Variants in KLF12 observed in about 807,000 individuals in gnomAD.
KLF12 encodes the protein Krueppel-like factor 12.
KLF12 carries 9 observed loss-of-function variants against 37.8 expected under a neutral mutation model. The observed-to-expected ratio is 0.24, with a 90% CI of 0.14 to 0.42. The LOEUF (loss-of-function observed/expected upper bound fraction) is 0.42, where lower values mean the gene tolerates loss of function less well. Among genes scored for constraint, KLF12 ranks in the 10% least tolerant of loss-of-function variants. The pLI is 1.00. For synonymous variants in KLF12, 208 were observed against 202.1 expected (o/e 1.03, Z -0.25); for missense variants, 411 against 516.0 (o/e 0.80, Z 1.97).
chr13:74,264,123 C>G, the KLF12 span, among the ~76,000 whole-genome samples: 1 of 152,162 alleles, frequency 6.6e-6, no homozygotes, highest in South Asian at 2.1e-4. Context: ...AAACGGTTAA[C>G]TTTCCATTAC....
chr13:73,944,958 A>G (rs907433134), intron 2 of KLF12, among the ~76,000 whole-genome samples: 1 of 152,174 alleles, frequency 6.6e-6, no homozygotes, highest in African/African-American at 2.4e-5. Context: ...TGACTCAACT[A>G]CAAATCTGAC....
chr13:74,099,059 C>T (rs972076090), intron 1 of KLF12, among the ~76,000 whole-genome samples: 5 of 152,114 alleles, frequency 3.3e-5, no homozygotes, highest in African/African-American at 1.2e-4. Context: ...TTAGAAAAAT[C>T]ACTTTGGACC....
At chr13:74,122,090 T>C (rs1877663271) in intron 1 of KLF12, among the ~76,000 whole-genome samples, 2 of 152,084 alleles carry the variant, frequency 1.3e-5, no homozygotes, top group Admixed American at 1.3e-4. Flanking sequence ...AGAGAAGGAA[T>C]TGCTTATATA....
At chr13:73,712,270 G>A (rs7986714) in intron 7 of KLF12, among the ~76,000 whole-genome samples, 1,623 of 150,914 alleles carry the variant, frequency 0.011, 24 homozygotes, top group African/African-American at 0.038. Context: ...ACTGGGAGGC[G>A]GAGGCTGAGG....
chr13:73,995,057 CAAGAAAAACACAAAGA>C lies in KLF12; in HGVS notation c.-31-20_-31-5del. ...TGTTCTTAGAGTCACATTGATCCTGCAAGAAAAACACAAAGACAAATGATGAGAGAAAGTTCTACAA... is the reference window on the plus strand; with the variant it reads ...TGTTCTTAGAGTCACATTGATCCTGCCAAATGATGAGAGAAAGTTCTACAA... On this transcript the variant is annotated splice_region_variant and splice_polypyrimidine_tract_variant and intron_variant, in intron 1 of 7. Coordinates refer to ENST00000377669, the MANE Select transcript of KLF12 (RefSeq NM_007249.5). The C allele has an allele frequency of 1.3e-6, 2 of 1,586,820 alleles. No homozygotes were observed. Among genetic ancestry groups the C allele is most frequent in the Middle Eastern group, 1.7e-4 (1 of 5,992 alleles).
chr13:74,067,692 ATAGTTT>A (rs61639057), intron 1 of KLF12, among the ~76,000 whole-genome samples: 57,970 of 151,526 alleles, frequency 0.38, 11,860 homozygotes, highest in African/African-American at 0.52. Flanking sequence ...CAACCAAAGA[ATAGTTT>A]TAGTTTTAAA....
chr13:74,166,425 A>G, the KLF12 span, among the ~76,000 whole-genome samples: 1 of 152,126 alleles, frequency 6.6e-6, no homozygotes, highest in Non-Finnish European at 1.5e-5. Flanking sequence ...AAGACACCCT[A>G]AAAGATAACA....
At chr13:73,969,505 T>C (rs1891267776) in intron 2 of KLF12, among the ~76,000 whole-genome samples, 1 of 152,238 alleles carries the variant, frequency 6.6e-6, no homozygotes, top group South Asian at 2.1e-4. Context: ...TTGGAAAGGA[T>C]AAACTCCTTC....
At chr13:74,127,937 T>G (rs552281415) in intron 1 of KLF12, among the ~76,000 whole-genome samples, 39 of 152,342 alleles carry the variant, frequency 2.6e-4, no homozygotes, top group African/African-American at 9.4e-4. Context: ...ATCACAAATT[T>G]AATAATTCTA....
chr13:74,071,500 C>A (rs1167245074), intron 1 of KLF12, among the ~76,000 whole-genome samples: 3 of 148,414 alleles, frequency 2.0e-5, no homozygotes, highest in African/African-American at 7.4e-5. Flanking sequence ...TCCTGGCTAA[C>A]ACAGTGAAAC....
chr13:73,795,427 T>C (rs761822521), intron 5 of KLF12, among the ~76,000 whole-genome samples: 15 of 152,352 alleles, frequency 9.8e-5, no homozygotes, highest in Middle Eastern at 3.4e-3. Flanking sequence ...ATCTTACATA[T>C]GGCAAATGTT....
At chr13:74,042,449 C>T (rs139407695) in intron 1 of KLF12, among the ~76,000 whole-genome samples, 2 of 152,242 alleles carry the variant, frequency 1.3e-5, no homozygotes, top group East Asian at 1.9e-4. Context: ...TGCCAGGTAA[C>T]ACTCCATGTT....
the KLF12 span, among the ~76,000 whole-genome samples, chr13:74,280,825 CTTTTTTT>C: frequency 3.8e-3 from 421 of 110,574 alleles, 3 homozygotes; most frequent in African/African-American, 0.012. Context: ...TTTCTTTTTT[CTTTTTTT>C]TTTTTTTTTG....
the KLF12 span, among the ~76,000 whole-genome samples, chr13:74,268,616 G>T: frequency 1.3e-5 from 2 of 152,110 alleles, no homozygotes; most frequent in African/African-American, 4.8e-5. Context: ...TATGAGATTG[G>T]AACTCCTGTT....
intron 1 of KLF12, among the ~76,000 whole-genome samples, chr13:74,084,823 C>CAAAAA (rs11299513): frequency 2.0e-5 from 3 of 149,096 alleles, no homozygotes; most frequent in Non-Finnish European, 3.0e-5. Flanking sequence ...ACAAAGGAGC[C>CAAAAA]AAAAAAAAAA....
intron 3 of KLF12, among the ~76,000 whole-genome samples, chr13:73,871,808 T>C (rs1305358763): frequency 2.0e-5 from 3 of 152,164 alleles, no homozygotes; most frequent in Non-Finnish European, 4.4e-5. Context: ...ATTTTATCCA[T>C]CCAAATTTTT....
At chr13:74,135,534 C>G (rs1878519133), upstream of KLF12, among the ~76,000 whole-genome samples, 1 of 150,942 alleles carries the variant, frequency 6.6e-6, no homozygotes, top group Admixed American at 6.6e-5. Context: ...TCGGAGGGCG[C>G]GGGGTCAGCG....
At chr13:74,019,230 T>A (rs937792079) in intron 1 of KLF12, among the ~76,000 whole-genome samples, 10 of 152,190 alleles carry the variant, frequency 6.6e-5, no homozygotes, top group African/African-American at 2.4e-4. Flanking sequence ...TTAGGATTGG[T>A]CTTGTCTACT....
At chr13:73,841,027 T>A (rs1038067718) in intron 4 of KLF12, among the ~76,000 whole-genome samples, 2 of 152,164 alleles carry the variant, frequency 1.3e-5, no homozygotes, top group African/African-American at 4.8e-5. Flanking sequence ...CCCTCTCCCA[T>A]TAACTTTCCA....
Sources: allele counts gnomAD v4.1 joint callset (sites outside exome capture counted in the v4.1 genomes callset), GRCh38; gene constraint gnomAD v4.1.1; transcripts MANE v1.5; gene names NCBI Gene and HGNC (gene_info 2026-07-23, HGNC 2026-07-21).